Variants in RGPD8 observed in about 807,000 individuals in gnomAD.
RGPD8 encodes RANBP2 like and GRIP domain containing 8.
RGPD8 carries 15 observed loss-of-function variants against 89.1 expected under a neutral mutation model. The observed-to-expected ratio is 0.17, with a 90% CI of 0.11 to 0.26. The LOEUF (loss-of-function observed/expected upper bound fraction) is 0.26. Among genes scored for constraint, RGPD8 ranks in the 10% least tolerant of loss-of-function variants. RGPD8 has a pLI of 1.00. For synonymous variants in RGPD8, 62 were observed against 420.9 expected (o/e 0.15, Z 10.44); for missense variants, 178 against 1,179.6 (o/e 0.15, Z 12.44).
chr2:112,410,287 CA>C (rs1007064621), intron 7 of RGPD8, among the ~76,000 whole-genome samples: 1 of 142,700 alleles, frequency 7.0e-6, no homozygotes. Flanking sequence ...GACTCCATCT[CA>C]AAAAAAAATA....
rs1170637480 is a variant in RGPD8 at position 112,371,342 on chromosome 2, C to T, written c.5264-1130G>A. ...GCTGCTTCTCCCACTCCTTGGCAAC[C>T]GCTAACCTGTTTTCTGTCCTTATAG... On this transcript the variant is annotated intron_variant, in intron 22 of 22. Transcript: ENST00000302558. Among the ~76,000 whole-genome samples, 232 of 51,846 alleles carry T rather than the reference C, an allele frequency of 4.5e-3. 3 individuals are homozygous for T. Among genetic ancestry groups the T allele is most frequent in the Non-Finnish European group, 7.0e-3 (178 of 25,354 alleles). The allele number at this position is 51,846 out of a possible 152,430, so 34.0% of individuals were successfully genotyped here. A position where few individuals can be genotyped will look rare whatever the true frequency, so the allele number is the denominator to read the frequency against.
chr2:112,415,829 G>A (rs1477835545), intron 6 of RGPD8, among the ~76,000 whole-genome samples: 2 of 147,408 alleles, frequency 1.4e-5, no homozygotes, highest in African/African-American at 5.0e-5. Flanking sequence ...GTTGCAGTGA[G>A]CCGAGACTGC....
At position 112,432,662 on chromosome 2, in the gene RGPD8, C is replaced by G. The variant is rs540419218; in HGVS notation, c.72+720G>C. 9 of 985,300 alleles carry G rather than the reference C, an allele frequency of 9.1e-6. No individual in the cohort carries two copies. In the South Asian group the frequency reaches 2.4e-4, roughly 26 times the overall value. 61.0% of individuals were successfully genotyped at this position (985,300 alleles called of 1,614,324 possible). On this transcript the variant is annotated intron_variant, in intron 1 of 22. Coordinates refer to ENST00000302558, the MANE Select transcript of RGPD8 (RefSeq NM_001164463.1). ...GTCCAGGACATGGGAAGAAACCCGC[C>G]GATACAGCACCCGGGTGCCCAAGCC...
intron 20 of RGPD8, among the ~76,000 whole-genome samples, chr2:112,387,515 C>T (rs1466438218): frequency 7.6e-6 from 1 of 131,272 alleles, no homozygotes; most frequent in East Asian, 2.0e-4. Flanking sequence ...GCACGCACCA[C>T]CATGCCCGGC....
In RGPD8 at chr2:112,415,464, A is replaced by G. The variant is rs1477152439; in HGVS notation, c.782+1729T>C. ...TCAGGGTCCTCCCCTCAGGCCCCCA[A>G]GTCACCCCATCATGGTCCAGATTCT... On this transcript the variant is annotated intron_variant, in intron 6 of 22. Coordinates refer to ENST00000302558, the MANE Select transcript of RGPD8 (RefSeq NM_001164463.1). Among the ~76,000 whole-genome samples the G allele has an allele frequency of 3.3e-5, 5 of 151,274 alleles. No individual in the cohort carries two copies. In the East Asian group the frequency reaches 9.7e-4, roughly 29 times the overall value.
chr2:112,402,495 C>CAAGAAAAAAA (rs1553503523), intron 9 of RGPD8, among the ~76,000 whole-genome samples: 1 of 147,012 alleles, frequency 6.8e-6, no homozygotes, highest in Non-Finnish European at 1.5e-5. Flanking sequence ...GTCTCAAAAA[C>CAAGAAAAAAA]AAGAAAAGAA....
At chr2:112,427,127 C>T (rs1679804539) in intron 1 of RGPD8, among the ~76,000 whole-genome samples, 1 of 151,972 alleles carries the variant, frequency 6.6e-6, no homozygotes, top group South Asian at 2.1e-4. Flanking sequence ...GAAATAGATT[C>T]AAGGTACAAT....
At chr2:112,371,034 ATTG>A (rs1182224451) in intron 22 of RGPD8, among the ~76,000 whole-genome samples, 52 of 151,350 alleles carry the variant, frequency 3.4e-4, no homozygotes, top group African/African-American at 1.3e-3. Flanking sequence ...ACAACTAAAT[ATTG>A]TTGACGATAA....
rs560283384 is a variant in RGPD8 at position 112,433,244 on chromosome 2, C to T, written c.72+138G>A. 2,127 of 967,622 alleles carry T rather than the reference C, an allele frequency of 2.2e-3. 70 individuals are homozygous for T. In the African/African-American group the frequency reaches 0.035, roughly 16 times the overall value. 59.9% of individuals were successfully genotyped at this position (967,622 alleles called of 1,614,324 possible). The stretch of plus-strand genomic sequence containing the variant: ...CGCCGCCGGGCCGGGTGGAGGCCGC[C>T]GCCTCAACAGAGCGCGCCAGGGAGC... On this transcript the variant is annotated intron_variant, in intron 1 of 22. Transcript: ENST00000302558.
chr2:112,420,821 GT>G (rs1412893490), intron 4 of RGPD8, among the ~76,000 whole-genome samples: 1 of 119,090 alleles, frequency 8.4e-6, no homozygotes, highest in Non-Finnish European at 1.7e-5. Context: ...GAATCTACAC[GT>G]GATAAAATGA....
chr2:112,433,577 G>A lies in RGPD8; in HGVS notation c.-124C>T. 1 of 1,042,534 alleles carries A rather than the reference G, an allele frequency of 9.6e-7. No homozygotes were observed. Among genetic ancestry groups the A allele is most frequent in the Non-Finnish European group, 1.4e-6 (1 of 734,336 alleles). 64.6% of individuals were successfully genotyped at this position (1,042,534 alleles called of 1,614,324 possible). Reference sequence around the variant, plus strand: ...GCGGCGTAGCCGGCGGAGGCCCACTGTGACGAGCGTGCGGCGCCGCCCACG... The same window carrying A: ...GCGGCGTAGCCGGCGGAGGCCCACTATGACGAGCGTGCGGCGCCGCCCACG... On this transcript the variant is annotated 5_prime_UTR_variant, in exon 1 of 23. Transcript: ENST00000302558.
At chr2:112,416,061 G>A (rs1211343353) in intron 6 of RGPD8, among the ~76,000 whole-genome samples, 1 of 136,524 alleles carries the variant, frequency 7.3e-6, no homozygotes, top group Non-Finnish European at 1.5e-5. Context: ...CTGCACTCCA[G>A]CCTGGTGACA....
intron 22 of RGPD8, among the ~76,000 whole-genome samples, chr2:112,372,996 AAACTGT>A (rs1257718823): frequency 3.5e-5 from 5 of 143,284 alleles, no homozygotes; most frequent in African/African-American, 2.9e-5. Context: ...TCAGATCTGT[AAACTGT>A]AACCCAGTCT....
At chr2:112,372,177 C>T (rs1373245348) in intron 22 of RGPD8, among the ~76,000 whole-genome samples, 1 of 15,644 alleles carries the variant, frequency 6.4e-5, no homozygotes, top group Admixed American at 7.2e-4. Context: ...AAACTGATGG[C>T]CTGTGTTCCT....
chr2:112,433,566 G>C lies in RGPD8; in HGVS notation c.-113C>G. 1 of 1,160,294 alleles carries C rather than the reference G, an allele frequency of 8.6e-7. No individual in the cohort carries two copies. Among genetic ancestry groups the C allele is most frequent in the Non-Finnish European group, 1.2e-6 (1 of 834,638 alleles). The allele number at this position is 1,160,294 out of a possible 1,614,324, so 71.9% of individuals were successfully genotyped here. On this transcript the variant is annotated 5_prime_UTR_variant, in exon 1 of 23. Coordinates refer to ENST00000302558, the MANE Select transcript of RGPD8 (RefSeq NM_001164463.1). ...CCACTGAAGCAGCGGCGTAGCCGGC[G>C]GAGGCCCACTGTGACGAGCGTGCGG...
rs1679256863 is a variant in RGPD8, at chr2:112,413,243, CCT to C, written c.783-619_783-618del. Reference sequence around the variant, plus strand: ...TCAAGTGATTCTCCCGACTCAGCCTCCTGAGTAGCTGGGATTACAGGCACCTG... The same window carrying C: ...TCAAGTGATTCTCCCGACTCAGCCTCGAGTAGCTGGGATTACAGGCACCTG... On this transcript the variant is annotated intron_variant, in intron 6 of 22. Coordinates refer to ENST00000302558, the MANE Select transcript of RGPD8 (RefSeq NM_001164463.1). Among the ~76,000 whole-genome samples, 4 of 138,490 alleles carry C rather than the reference CCT, an allele frequency of 2.9e-5. No individual in the cohort carries two copies. In the South Asian group the frequency reaches 9.0e-4, roughly 31 times the overall value. 90.9% of individuals were successfully genotyped at this position (138,490 alleles called of 152,430 possible). A position where few individuals can be genotyped will look rare whatever the true frequency, so the allele number is the denominator to read the frequency against.
chr2:112,391,256 T>G (rs1310172405), intron 18 of RGPD8, among the ~76,000 whole-genome samples, 187 bp from the exon 19 acceptor site: 1 of 148,866 alleles, frequency 6.7e-6, no homozygotes, highest in Non-Finnish European at 1.5e-5. Context: ...AGAAAAAAAT[T>G]GCTAAATATG....
rs781129200 is a variant in RGPD8, at chr2:112,433,421, G to C, written c.33C>G (p.Tyr11Ter). 1.8e-5 allele frequency: 29 copies of C among 1,610,298 alleles called. 1 individual carries two copies. Among genetic ancestry groups the C allele is most frequent in the South Asian group, 4.4e-5 (4 of 90,934 alleles). Residue 11 changes from tyrosine (Y) to a stop codon, truncating the protein, a stop_gained, in exon 1 of 23, where the codon TAC becomes TAG. Coordinates refer to ENST00000302558, the MANE Select transcript of RGPD8 (RefSeq NM_001164463.1). LOFTEE classifies it high-confidence loss of function. ...GGGTGAGACCCAGCACCGAGGCGAC[G>C]TACCGCTCCACATCGGCCTTGCTGC... MRRSKADVER[Y>*]VASVLGLTPS... is the part of the protein sequence containing the mutation.
intron 6 of RGPD8, among the ~76,000 whole-genome samples, chr2:112,415,242 G>A (rs1343104135): frequency 7.9e-5 from 12 of 152,254 alleles, no homozygotes; most frequent in South Asian, 4.1e-4. Context: ...AAAATTAGCC[G>A]AGCGTGGTGG....
Sources: gnomAD v4.1 joint callset for allele counts (sites outside exome capture counted in the v4.1 genomes callset) on GRCh38, gnomAD v4.1.1 for gene constraint, MANE v1.5 for transcripts, NCBI Gene and HGNC (gene_info 2026-07-23, HGNC 2026-07-21) for gene names.